SH3BGR: variants seen among roughly 807,000 people sequenced by gnomAD.
The protein encoded by SH3BGR is SH3 domain-binding glutamic acid-rich protein.
SH3BGR carries 29 observed loss-of-function variants against 24.5 expected under a neutral mutation model. The observed-to-expected ratio is 1.18, with a 90% CI of 0.88 to 1.61. The LOEUF (loss-of-function observed/expected upper bound fraction) is 1.61. Ranked by LOEUF, SH3BGR falls within the 40% of genes most tolerant of loss-of-function variation. The pLI, the probability that SH3BGR is intolerant of heterozygous loss-of-function variation, is 0.00. For missense variants in SH3BGR, 162 were observed against 205.8 expected, an observed-to-expected ratio of 0.79 and a Z score of 1.30; for synonymous variants, 55 against 65.7, an observed-to-expected ratio of 0.84 and a Z score of 0.79.
intron 3 of SH3BGR, among the ~76,000 whole-genome samples, chr21:39,479,235 G>A (rs1316912898): frequency 6.7e-4 from 84 of 125,542 alleles, no homozygotes; most frequent in African/African-American, 2.0e-3. Context: ...GGTGGTGGTG[G>A]TGGTGGTGGT....
intron 3 of SH3BGR, among the ~76,000 whole-genome samples, chr21:39,479,596 A>G (rs1290097076): frequency 6.6e-6 from 1 of 152,158 alleles, no homozygotes; most frequent in Non-Finnish European, 1.5e-5. Context: ...TGAACTTCTT[A>G]TATAGACCCC....
intron 3 of SH3BGR, among the ~76,000 whole-genome samples, chr21:39,492,466 G>GTATATATA (rs575260270): frequency 3.4e-4 from 47 of 139,782 alleles, no homozygotes; most frequent in African/African-American, 1.3e-3. Flanking sequence ...GTGTGTGTGT[G>GTATATATA]TATATATATA....
At chr21:39,454,705 C>T (rs1270772927) in intron 1 of SH3BGR, among the ~76,000 whole-genome samples, 6 of 152,128 alleles carry the variant, frequency 3.9e-5, no homozygotes, top group East Asian at 1.9e-4. Flanking sequence ...GTGTAAATAT[C>T]GTGGGAAAAA....
intron 4 of SH3BGR, among the ~76,000 whole-genome samples, chr21:39,507,488 C>T (rs1238573179): frequency 6.6e-6 from 1 of 151,818 alleles, no homozygotes. Flanking sequence ...CATGCGCCAC[C>T]ATGCCCAGCT....
intron 6 of SH3BGR, among the ~76,000 whole-genome samples, chr21:39,513,285 G>GTT (rs752408517): frequency 4.6e-5 from 7 of 152,188 alleles, no homozygotes; most frequent in African/African-American, 7.2e-5. Context: ...ATTGGTGCAT[G>GTT]TACAAAGAAG....
At chr21:39,507,547 G>GGTC (rs1490496621) in intron 4 of SH3BGR, among the ~76,000 whole-genome samples, 1 of 152,140 alleles carries the variant, frequency 6.6e-6, no homozygotes, top group East Asian at 1.9e-4. Flanking sequence ...TGGTCAGGCT[G>GGTC]GTCTCAAACT....
In SH3BGR at chr21:39,511,917, T is replaced by C; in HGVS notation, c.*34+108T>C. On this transcript the variant is annotated intron_variant, in intron 6 of 6. Transcript: ENST00000333634. The surrounding 1 kb of genome is among the most constrained non-coding windows in gnomAD (Gnocchi z 4.2). ...GAAAGGGAATTCCAATTCAGGGCTG[T>C]CTGTCTCCTTCCAAAGCCCTGGTCT... is the stretch of plus-strand genomic sequence containing the variant. 1 of 1,036,428 alleles carries C rather than the reference T, an allele frequency of 9.6e-7. No homozygotes were observed. The highest frequency in any genetic ancestry group is 1.3e-6 in the Non-Finnish European group (1 of 743,772). The allele number at this position is 1,036,428 out of a possible 1,614,324, so 64.2% of individuals were successfully genotyped here.
chr21:39,502,788 A>G (rs2078517717), intron 4 of SH3BGR, among the ~76,000 whole-genome samples: 1 of 152,178 alleles, frequency 6.6e-6, no homozygotes, highest in Admixed American at 6.5e-5. Context: ...TTCTGGCTGG[A>G]CACAGACTGG....
At chr21:39,450,048 C>A (rs1000541575), upstream of SH3BGR, among the ~76,000 whole-genome samples, 7 of 151,870 alleles carry the variant, frequency 4.6e-5, no homozygotes, top group Non-Finnish European at 5.9e-5. Flanking sequence ...ATAGTTTATG[C>A]TACTAACTTA....
chr21:39,505,796 T>C (rs540684023), intron 4 of SH3BGR, among the ~76,000 whole-genome samples: 1 of 152,268 alleles, frequency 6.6e-6, no homozygotes, highest in East Asian at 1.9e-4. Context: ...TCCTCCATAG[T>C]TGTTGCTAGC....
At chr21:39,491,536 T>C in intron 3 of SH3BGR, 1 of 272,782 alleles carries the variant, frequency 3.7e-6, no homozygotes, top group Non-Finnish European at 7.2e-6. Flanking sequence ...TTCTAAGGCC[T>C]CAGCTACTTA....
chr21:39,508,576 A>C (rs1359683752), intron 4 of SH3BGR, among the ~76,000 whole-genome samples: 1 of 152,256 alleles, frequency 6.6e-6, no homozygotes, highest in Non-Finnish European at 1.5e-5. Flanking sequence ...ACTTGTTCAA[A>C]CCTGAAGTAA....
At chr21:39,490,681 CTA>C (rs1343189657) in intron 3 of SH3BGR, among the ~76,000 whole-genome samples, 1 of 151,150 alleles carries the variant, frequency 6.6e-6, no homozygotes, top group African/African-American at 2.4e-5. Context: ...TTTCAACTTC[CTA>C]TGTCTTTGTT....
chr21:39,491,566 C>T (rs1324121541), intron 3 of SH3BGR: 3 of 275,610 alleles, frequency 1.1e-5, no homozygotes, highest in Non-Finnish European at 2.1e-5. Flanking sequence ...TGGTGGGGGT[C>T]GTGGGGCAGC....
At chr21:39,512,684 T>C (rs1031478599) in intron 6 of SH3BGR, among the ~76,000 whole-genome samples, 2 of 152,146 alleles carry the variant, frequency 1.3e-5, no homozygotes. Flanking sequence ...CCCAGCTACT[T>C]GGGAGGCTGA....
chr21:39,458,874 TG>T (rs1341214346), intron 1 of SH3BGR, among the ~76,000 whole-genome samples: 1 of 152,064 alleles, frequency 6.6e-6, no homozygotes, highest in Admixed American at 6.6e-5. Flanking sequence ...CTCGAACTCC[TG>T]GCCTCAGATG....
rs374316900 is a variant in SH3BGR, at chr21:39,511,626, T to C, written c.436-54T>C. 5.1e-6 allele frequency: 8 copies of C among 1,577,728 alleles called. No homozygotes were observed. The highest frequency in any genetic ancestry group is 2.3e-5 in the East Asian group (1 of 44,424). ...CAGCATTTTACAGTCTTTTTCTCAC[T>C]GTATCCTTGGCCCTTATGCTTCTTA... On this transcript the variant is annotated intron_variant, in intron 5 of 6. Coordinates refer to ENST00000333634, the MANE Select transcript of SH3BGR (RefSeq NM_007341.3). The surrounding 1 kb of genome is among the most constrained non-coding windows in gnomAD (Gnocchi z 4.2).
chr21:39,505,690 A>G (rs1006464541), intron 4 of SH3BGR, among the ~76,000 whole-genome samples: 19 of 152,122 alleles, frequency 1.2e-4, no homozygotes, highest in African/African-American at 4.1e-4. Context: ...GCTTGAACCC[A>G]GGAGGCAGAG....
intron 3 of SH3BGR, among the ~76,000 whole-genome samples, chr21:39,479,215 A>AGGTGGTAAGGGTGGTGGTGGT (rs2078078322): frequency 7.7e-6 from 1 of 129,358 alleles, no homozygotes; most frequent in African/African-American, 3.3e-5. Context: ...GTGGTGGTGG[A>AGGTGGTAAGGGTGGTGGTGGT]GGTGGTAAGG....
Sources: allele counts gnomAD v4.1 joint callset (sites outside exome capture counted in the v4.1 genomes callset), GRCh38; gene constraint gnomAD v4.1.1; non-coding constraint Gnocchi (gnomAD v3.1); transcripts MANE v1.5; gene names NCBI Gene and HGNC (gene_info 2026-07-23, HGNC 2026-07-21).